The following TIE1 variants were observed in gnomAD, a reference collection of about 807,000 sequenced individuals.
The protein encoded by TIE1 is tyrosine kinase with immunoglobulin like and EGF like domains 1.
TIE1 carries 89 observed loss-of-function variants against 130.5 expected under a neutral mutation model. The ratio of observed to expected loss-of-function variants is 0.68; its 90% CI spans 0.57 to 0.81. The LOEUF (loss-of-function observed/expected upper bound fraction) is 0.81, where lower values mean the gene tolerates loss of function less well. Ranked by LOEUF, TIE1 falls within the 40% of genes least tolerant of loss-of-function variation. TIE1 has a pLI of 0.00. For missense variants in TIE1, 1,392 were observed against 1,559.8 expected, an observed-to-expected ratio of 0.89 and a Z score of 1.81; for synonymous variants, 568 against 629.4, an observed-to-expected ratio of 0.90 and a Z score of 1.46.
At chr1:43,321,032 C>CA (rs752698629) in intron 19 of TIE1, among the ~76,000 whole-genome samples, 2,308 of 96,412 alleles carry the variant, frequency 0.024, 69 homozygotes, top group African/African-American at 0.043. Context: ...GACCCTGTCT[C>CA]AAAAAAAAAA....
At chr1:43,305,374 G>C (rs1463892910) in intron 3 of TIE1, 31 bp downstream of exon 3, 1 of 1,497,450 alleles carries the variant, frequency 6.7e-7, no homozygotes, top group East Asian at 2.4e-5. Context: ...TGGTGGGGAG[G>C]GTAGACCCAT....
In TIE1 at chr1:43,319,585, C is replaced by G. The variant is rs369932155; in HGVS notation, c.3107+56C>G. 1.3e-6 allele frequency: 2 copies of G among 1,543,944 alleles called. No homozygotes were observed. Among genetic ancestry groups the G allele is most frequent in the Non-Finnish European group, 1.8e-6 (2 of 1,116,586 alleles). The stretch of plus-strand genomic sequence containing the variant: ...CTTGGCCCCCAAGAATCACCCAGGC[C>G]TGACCTAGACATATCTCAGAAATGT... On this transcript the variant is annotated intron_variant, in intron 19 of 22. Coordinates refer to ENST00000372476, the MANE Select transcript of TIE1 (RefSeq NM_005424.5). The surrounding 1 kb of genome is among the most constrained non-coding windows in gnomAD (Gnocchi z 4.7).
chr1:43,317,900 T>C lies in TIE1; in HGVS notation c.2750T>C (p.Ile917Thr). 6.2e-7 allele frequency: 1 copy of C among 1,614,116 alleles called. No individual in the cohort carries two copies. The highest frequency in any genetic ancestry group is 8.5e-7 in the Non-Finnish European group (1 of 1,179,990). ...CKNRGYLYIA[I>T]EYAPYGNLLD... is the part of the protein sequence containing the mutation. Reference sequence around the variant, plus strand: ...CTCTCAGGTTACTTGTATATCGCTATTGAATATGCCCCCTACGGGAACCTG... The same window carrying C: ...CTCTCAGGTTACTTGTATATCGCTACTGAATATGCCCCCTACGGGAACCTG... The change falls in exon 17 of 23, where the codon ATT becomes ACT. Residue 917 changes from isoleucine to threonine, a missense_variant. Transcript: ENST00000372476. The surrounding 1 kb of genome is among the most constrained non-coding windows in gnomAD (Gnocchi z 5.1).
In TIE1 at chr1:43,318,750, C is replaced by T. The variant is rs559390193; in HGVS notation, c.2923-485C>T. ...AACTCCTGTCCTCGAGTGATCCACC[C>T]GCCTCAGCCTCCCAAAGTGCTGGGA... is the stretch of plus-strand genomic sequence containing the variant. On this transcript the variant is annotated intron_variant, in intron 17 of 22. Transcript: ENST00000372476. This position sits in a 1 kb window ranked among gnomAD's most constrained non-coding sequence, Gnocchi z 4.4. Among the ~76,000 whole-genome samples the T allele has an allele frequency of 3.9e-5, 6 of 152,100 alleles. No homozygotes were observed. The highest frequency in any genetic ancestry group is 1.3e-4 in the Admixed American group (2 of 15,274).
At position 43,312,997 on chromosome 1, in the gene TIE1, G is replaced by C; in HGVS notation, c.1928-138G>C. 2.0e-6 allele frequency: 2 copies of C among 976,194 alleles called. No individual in the cohort carries two copies. Among genetic ancestry groups the C allele is most frequent in the Non-Finnish European group, 1.5e-6 (1 of 660,748 alleles). The allele number at this position is 976,194 out of a possible 1,614,324, so 60.5% of individuals were successfully genotyped here. On this transcript the variant is annotated intron_variant, in intron 12 of 22. Transcript: ENST00000372476. The surrounding 1 kb of genome is among the most constrained non-coding windows in gnomAD (Gnocchi z 5.6). ...GGAATGGAGAGGAATTCAGTCTGGT[G>C]GGGAGGAGGAAGTTGGCAGGGTGGC...
rs146431314 is a variant in TIE1, at chr1:43,319,463, G to T, written c.3041G>T (p.Arg1014Leu). The change falls in exon 19 of 23, where the codon CGT becomes CTT. Residue 1014 changes from arginine to leucine, a missense_variant. Coordinates refer to ENST00000372476, the MANE Select transcript of TIE1 (RefSeq NM_005424.5). This position sits in a 1 kb window ranked among gnomAD's most constrained non-coding sequence, Gnocchi z 4.7. ...CTCAAACCCATTCTCTCCTAGGGGCGTCTCCCTGTGCGCTGGATGGCCATT... is the reference window on the plus strand; with the variant it reads ...CTCAAACCCATTCTCTCCTAGGGGCTTCTCCCTGTGCGCTGGATGGCCATT... ...EEVYVKKTMG[R>L]LPVRWMAIES... is the part of the protein sequence containing the mutation. 2.5e-6 allele frequency: 4 copies of T among 1,614,066 alleles called. No individual in the cohort carries two copies. In the Admixed American group the frequency reaches 6.7e-5, roughly 27 times the overall value.
Position 43,319,619 on chromosome 1 carries a change from G to A in TIE1, c.3107+90G>A. 1.5e-6 allele frequency: 2 copies of A among 1,354,576 alleles called. No individual in the cohort carries two copies. Among genetic ancestry groups the A allele is most frequent in the East Asian group, 2.3e-5 (1 of 43,704 alleles). The allele number at this position is 1,354,576 out of a possible 1,614,324, so 83.9% of individuals were successfully genotyped here. A position where few individuals can be genotyped will look rare whatever the true frequency, so the allele number is the denominator to read the frequency against. Reference sequence around the variant, plus strand: ...ACATATCTCAGAAATGTCATAGGTGGTCTAAGGCATGACCTGGGCTGTGTT... The same window carrying A: ...ACATATCTCAGAAATGTCATAGGTGATCTAAGGCATGACCTGGGCTGTGTT... On this transcript the variant is annotated intron_variant, in intron 19 of 22. Transcript: ENST00000372476. The surrounding 1 kb of genome is among the most constrained non-coding windows in gnomAD (Gnocchi z 4.7).
At chr1:43,310,215 C>T (rs1646774829) in intron 9 of TIE1, among the ~76,000 whole-genome samples, 1 of 152,048 alleles carries the variant, frequency 6.6e-6, no homozygotes, top group African/African-American at 2.4e-5. Flanking sequence ...AGGTCCTCGC[C>T]ATCTCCCTAT....
rs546700186 is a variant in TIE1, at chr1:43,306,240, G to T, written c.485-600G>T. Among the ~76,000 whole-genome samples, 6 of 152,324 alleles carry T rather than the reference G, an allele frequency of 3.9e-5. No individual in the cohort carries two copies. In the South Asian group the frequency reaches 1.0e-3, roughly 26 times the overall value. Reference sequence around the variant, plus strand: ...GAAGGAAGGGCCTTCCAGGAGGAGGGACTGAGAAGAGCAGTAGGGTCTGAA... The same window carrying T: ...GAAGGAAGGGCCTTCCAGGAGGAGGTACTGAGAAGAGCAGTAGGGTCTGAA... On this transcript the variant is annotated intron_variant, in intron 3 of 22. Transcript: ENST00000372476. This position sits in a 1 kb window ranked among gnomAD's most constrained non-coding sequence, Gnocchi z 4.9.
At position 43,312,441 on chromosome 1, in the gene TIE1, G is replaced by A; in HGVS notation, c.1767G>A (p.Arg589=). The A allele has an allele frequency of 6.2e-7, 1 of 1,612,160 alleles. No individual in the cohort carries two copies. The highest frequency in any genetic ancestry group is 8.5e-7 in the Non-Finnish European group (1 of 1,179,618). ...TGCTGCGCCTGTGGGACGGGACACGGGGGCAGGAGCGGCGGGAGAACGTCT... is the reference window on the plus strand; with the variant it reads ...TGCTGCGCCTGTGGGACGGGACACGAGGGCAGGAGCGGCGGGAGAACGTCT... ...GFLLRLWDGT[R]GQERRENVSS... is the part of the protein sequence containing the mutation. Residue 589 remains arginine (R), a synonymous_variant, in exon 12 of 23, where the codon CGG becomes CGA. Coordinates refer to ENST00000372476, the MANE Select transcript of TIE1 (RefSeq NM_005424.5). The surrounding 1 kb of genome is among the most constrained non-coding windows in gnomAD (Gnocchi z 5.6).
chr1:43,309,099 G>T lies in TIE1; in HGVS notation c.1156G>T (p.Glu386Ter). The T allele has an allele frequency of 6.2e-7, 1 of 1,611,358 alleles. No individual in the cohort carries two copies. Among genetic ancestry groups the T allele is most frequent in the Middle Eastern group, 1.7e-4 (1 of 6,048 alleles). Residue 386 changes from glutamate (E) to a stop codon, truncating the protein, a stop_gained, in exon 8 of 23, where the codon GAG (glutamate) becomes TAG (stop). Transcript: ENST00000372476. LOFTEE classifies it high-confidence loss of function. The surrounding 1 kb of genome is among the most constrained non-coding windows in gnomAD (Gnocchi z 6.3). Reference protein sequence around the residue: ...GNPFPVRGSIELRKPDGTVLL... With the variant: ...GNPFPVRGSI ...CCCCTTCCCCGTGCGGGGCAGCATA[G>T]AGCTACGCAAGCCAGACGGCACTGT...
chr1:43,313,075 GC>G lies in TIE1; in HGVS notation c.1928-56del. The G allele has an allele frequency of 1.3e-6, 2 of 1,538,418 alleles. No homozygotes were observed. Among genetic ancestry groups the G allele is most frequent in the African/African-American group, 2.7e-5 (2 of 73,156 alleles). On this transcript the variant is annotated intron_variant, in intron 12 of 22. Coordinates refer to ENST00000372476, the MANE Select transcript of TIE1 (RefSeq NM_005424.5). This position sits in a 1 kb window ranked among gnomAD's most constrained non-coding sequence, Gnocchi z 6.2. ...AGCACAGCTAGAGCAGATGTGTCCA[GC>G]CCCACAGCTACATAGCCCGGTCCTA...
rs374467123 is a variant in TIE1, at chr1:43,312,165, C to T, written c.1630+34C>T. Reference sequence around the variant, plus strand: ...CCAAGAGTCATCCCTTCCTGTCCCCCCAAGGGTTACTTTCCCGTCGACCCC... The same window carrying T: ...CCAAGAGTCATCCCTTCCTGTCCCCTCAAGGGTTACTTTCCCGTCGACCCC... On this transcript the variant is annotated intron_variant, in intron 11 of 22. Coordinates refer to ENST00000372476, the MANE Select transcript of TIE1 (RefSeq NM_005424.5). This position sits in a 1 kb window ranked among gnomAD's most constrained non-coding sequence, Gnocchi z 5.6. The T allele has an allele frequency of 1.3e-5, 20 of 1,516,500 alleles. No homozygotes were observed. The highest frequency in any genetic ancestry group is 1.8e-5 in the Non-Finnish European group (20 of 1,132,014). The allele number at this position is 1,516,500 out of a possible 1,614,324, so 93.9% of individuals were successfully genotyped here.
At chr1:43,305,460 C>T in intron 3 of TIE1, 117 bp downstream of exon 3, 1 of 931,000 alleles carries the variant, frequency 1.1e-6, no homozygotes, top group Non-Finnish European at 1.6e-6. Flanking sequence ...CCTCCAGGGC[C>T]TCTCCTCTGT....
At chr1:43,311,042 G>C (rs1211161412) in intron 9 of TIE1, among the ~76,000 whole-genome samples, 1 of 152,204 alleles carries the variant, frequency 6.6e-6, no homozygotes, top group East Asian at 1.9e-4. Flanking sequence ...GTGAGGAAGT[G>C]GGGCAGGAAC....
At position 43,306,797 on chromosome 1, in the gene TIE1, C is replaced by A. The variant is rs1274252731; in HGVS notation, c.485-43C>A. 6.4e-7 allele frequency: 1 copy of A among 1,564,688 alleles called. No individual in the cohort carries two copies. The highest frequency in any genetic ancestry group is 8.7e-7 in the Non-Finnish European group (1 of 1,155,420). On this transcript the variant is annotated intron_variant, in intron 3 of 22. Transcript: ENST00000372476. The surrounding 1 kb of genome is among the most constrained non-coding windows in gnomAD (Gnocchi z 4.9). ...GGTGGACAGAGAGAGGTGACACAGC[C>A]CTCATGTAGTGCTGAGGCCCCTGAC...
intron 1 of TIE1, among the ~76,000 whole-genome samples, chr1:43,303,653 G>A (rs996211325): frequency 6.6e-6 from 1 of 152,024 alleles, no homozygotes; most frequent in African/African-American, 2.4e-5. Flanking sequence ...GACTCCACCT[G>A]ATCTCTCCTG....
At position 43,319,351 on chromosome 1, in the gene TIE1, G is replaced by A. The variant is rs1486637821; in HGVS notation, c.3036+3G>A. 1 of 1,613,426 alleles carries A rather than the reference G, an allele frequency of 6.2e-7. No homozygotes were observed. The highest frequency in any genetic ancestry group is 8.5e-7 in the Non-Finnish European group (1 of 1,179,416). On this transcript the variant is annotated splice_donor_region_variant and intron_variant, in intron 18 of 22. Transcript: ENST00000372476. This position sits in a 1 kb window ranked among gnomAD's most constrained non-coding sequence, Gnocchi z 4.7. ...AGGTTTATGTGAAGAAGACGATGGT[G>A]AGTCTCATTCAACCCTCACCCTTAG...
At chr1:43,321,588 T>C (rs776478228) in intron 21 of TIE1, 28 bp from the exon 22 acceptor site, 1 of 1,554,878 alleles carries the variant, frequency 6.4e-7, no homozygotes, top group South Asian at 1.2e-5. Flanking sequence ...CTGGCCTGAC[T>C]CCTCATCTCA....
Sources: gnomAD v4.1 joint callset for allele counts (sites outside exome capture counted in the v4.1 genomes callset) on GRCh38, gnomAD v4.1.1 for gene constraint, Gnocchi (gnomAD v3.1) non-coding constraint, MANE v1.5 for transcripts, NCBI Gene and HGNC (gene_info 2026-07-23, HGNC 2026-07-21) for gene names.